ZAP70: variants seen among roughly 807,000 people sequenced by gnomAD.
The protein encoded by ZAP70 is tyrosine-protein kinase ZAP-70.
A neutral mutation model predicts 65.8 loss-of-function variants in ZAP70; 27 were observed. That is an observed-to-expected ratio of 0.41 (90% CI 0.30 to 0.57). The LOEUF is 0.57. Among genes scored for constraint, ZAP70 ranks in the 20% least tolerant of loss-of-function variants. The probability of loss-of-function intolerance (pLI) is 0.28; values close to 1 mark genes in which losing one functional copy is unlikely to be tolerated. For missense variants in ZAP70, 696 were observed against 870.5 expected (o/e 0.80, Z 2.52); for synonymous variants, 363 against 360.8 (o/e 1.01, Z -0.07).
chr2:97,724,883 C>A, intron 3 of ZAP70: 3 of 1,531,504 alleles, frequency 2.0e-6, no homozygotes, highest in South Asian at 2.4e-5. Flanking sequence ...CGCTTGGGGC[C>A]GCGCTGGAAG....
intron 8 of ZAP70, 88 bp downstream of exon 8, chr2:97,733,683 G>T: frequency 6.4e-7 from 1 of 1,551,396 alleles, no homozygotes; most frequent in South Asian, 1.1e-5. Flanking sequence ...TTCACGGGGG[G>T]CGCTGTGGGC....
chr2:97,721,580 A>ATTTTTTTTTT (rs796509420), intron 2 of ZAP70, among the ~76,000 whole-genome samples: 2,153 of 81,234 alleles, frequency 0.027, 2 homozygotes, highest in Non-Finnish European at 0.039. Context: ...TGGCTGGCTG[A>ATTTTTTTTTT]TTTTTTTTTT....
chr2:97,733,857 T>C, intron 8 of ZAP70: 1 of 581,326 alleles, frequency 1.7e-6, no homozygotes, highest in Non-Finnish European at 3.1e-6. Flanking sequence ...GAGTACCTAC[T>C]ATGTGTCAGT....
intron 2 of ZAP70, among the ~76,000 whole-genome samples, chr2:97,716,586 G>A (rs1409582431): frequency 1.3e-5 from 2 of 152,198 alleles, no homozygotes. Context: ...AGTGGAAGGT[G>A]TTGGAGGAAG....
chr2:97,724,694 C>G (rs1158450516), intron 3 of ZAP70: 4 of 1,519,300 alleles, frequency 2.6e-6, no homozygotes. Flanking sequence ...GGTAGAGGGA[C>G]GCACTGGGCC....
chr2:97,737,522 A>G lies in ZAP70; in HGVS notation c.1339A>G (p.Met447Val), dbSNP rs775546124. 33 of 1,613,968 alleles carry G rather than the reference A, an allele frequency of 2.0e-5. No individual in the cohort carries two copies. In the Admixed American group the frequency reaches 4.7e-4, roughly 23 times the overall value. Residue 447 changes from methionine to valine, a missense_variant, in exon 11 of 14, where the codon ATG becomes GTG. Met to Val is a conservative substitution (Grantham distance 21). Transcript: ENST00000264972. This position sits in a 1 kb window ranked among gnomAD's most constrained non-coding sequence, Gnocchi z 5.0. ...GGCCGAGCTGCTGCACCAGGTGTCC[A>G]TGGGGATGAAGTACCTGGAGGAGAA... ...NVAELLHQVS[M>V]GMKYLEEKNF...
At chr2:97,733,249 G>C (rs772445297) in intron 6 of ZAP70, 37 bp downstream of exon 6, 19 of 1,609,164 alleles carry the variant, frequency 1.2e-5, no homozygotes, top group Non-Finnish European at 1.5e-5. Flanking sequence ...GGGCGGGGGC[G>C]GCAGGAGACC....
In ZAP70 at chr2:97,737,946, G is replaced by T. The variant is rs933446493; in HGVS notation, c.1623+49G>T. 6.2e-7 allele frequency: 1 copy of T among 1,613,884 alleles called. No individual in the cohort carries two copies. The highest frequency in any genetic ancestry group is 1.3e-5 in the African/African-American group (1 of 74,898). ...GGCGGTGTGGTGGGGAGGGGGATGA[G>T]GAGGAGGACACTGGTCACTCACAGG... On this transcript the variant is annotated intron_variant, in intron 12 of 13. Coordinates refer to ENST00000264972, the MANE Select transcript of ZAP70 (RefSeq NM_001079.4). This position sits in a 1 kb window ranked among gnomAD's most constrained non-coding sequence, Gnocchi z 5.0.
chr2:97,732,324 C>T (rs1305646634), intron 4 of ZAP70, among the ~76,000 whole-genome samples: 1 of 152,180 alleles, frequency 6.6e-6, no homozygotes, highest in Admixed American at 6.5e-5. Flanking sequence ...CATGGAGCTG[C>T]GCCTACCTGT....
At position 97,735,579 on chromosome 2, in the gene ZAP70, ACACT is replaced by A; in HGVS notation, c.1289+125_1289+128del. On this transcript the variant is annotated intron_variant, in intron 10 of 13. Coordinates refer to ENST00000264972, the MANE Select transcript of ZAP70 (RefSeq NM_001079.4). ...GGGGCACTTCCACACCATCGTGGAC[ACACT>A]CTCAGCCTGCACACCCACACCCATA... 5.1e-6 allele frequency: 6 copies of A among 1,169,740 alleles called. No individual in the cohort carries two copies. In the South Asian group the frequency reaches 7.2e-5, roughly 14 times the overall value. 72.5% of individuals were successfully genotyped at this position (1,169,740 alleles called of 1,614,324 possible). A position where few individuals can be genotyped will look rare whatever the true frequency, so the allele number is the denominator to read the frequency against.
At chr2:97,722,574 G>A (rs1226201753) in intron 2 of ZAP70, among the ~76,000 whole-genome samples, 2 of 152,172 alleles carry the variant, frequency 1.3e-5, no homozygotes, top group African/African-American at 4.8e-5. Flanking sequence ...AATCAACCAT[G>A]TCTATTAAAT....
Position 97,737,957 on chromosome 2 carries a change from C to G in ZAP70, c.1624-38C>G. The G allele has an allele frequency of 1.2e-6, 2 of 1,613,980 alleles. No individual in the cohort carries two copies. Among genetic ancestry groups the G allele is most frequent in the Non-Finnish European group, 1.7e-6 (2 of 1,179,880 alleles). ...GGGGAGGGGGATGAGGAGGAGGACA[C>G]TGGTCACTCACAGGTGTCTCTGCCC... is the stretch of plus-strand genomic sequence containing the variant. On this transcript the variant is annotated intron_variant, in intron 12 of 13. Coordinates refer to ENST00000264972, the MANE Select transcript of ZAP70 (RefSeq NM_001079.4). This position sits in a 1 kb window ranked among gnomAD's most constrained non-coding sequence, Gnocchi z 5.0.
At chr2:97,745,544 T>C in the ZAP70 span, among the ~76,000 whole-genome samples, 1 of 152,174 alleles carries the variant, frequency 6.6e-6, no homozygotes, top group East Asian at 1.9e-4. Context: ...GCTATACAAA[T>C]GGTTAACAAA....
chr2:97,734,889 C>T (rs1435278220), intron 9 of ZAP70, 177 bp downstream of exon 9: 6 of 534,980 alleles, frequency 1.1e-5, no homozygotes, highest in Admixed American at 2.7e-5. Context: ...GGACACCTGA[C>T]GGGGGTGGGA....
intron 2 of ZAP70, among the ~76,000 whole-genome samples, chr2:97,723,676 C>A (rs1301968213): frequency 6.6e-6 from 1 of 152,254 alleles, no homozygotes; most frequent in African/African-American, 2.4e-5. Context: ...CTCAAGCGTG[C>A]ATATCCCCAG....
In ZAP70 at chr2:97,733,584, C is replaced by A; in HGVS notation, c.878C>A (p.Thr293Asn). Residue 293 changes from threonine to asparagine, a missense_variant, in exon 8 of 14, where the codon ACC (threonine) becomes AAC (asparagine). Around this residue, in one of 3 missense-constraint regions of ZAP70, gnomAD observed 551 missense variants for 630.0 expected, o/e 0.87. Transcript: ENST00000264972. ...GACACCCTCAACTCAGATGGATACA[C>A]CCCTGAGCCAGGTGAGCGGGCAGAG... ...RIDTLNSDGY[T>N]PEPARITSPD... 1 of 1,613,654 alleles carries A rather than the reference C, an allele frequency of 6.2e-7. No individual in the cohort carries two copies. Among genetic ancestry groups the A allele is most frequent in the Non-Finnish European group, 8.5e-7 (1 of 1,179,998 alleles).
intron 6 of ZAP70, 22 bp downstream of exon 6, chr2:97,733,234 G>A (rs1412247111): frequency 6.2e-7 from 1 of 1,610,900 alleles, no homozygotes; most frequent in Non-Finnish European, 8.5e-7. Flanking sequence ...AGGCGGGCGG[G>A]CGGTGGGCGG....
chr2:97,732,746 T>C, intron 4 of ZAP70, 137 bp from the exon 5 acceptor site: 2 of 1,313,994 alleles, frequency 1.5e-6, no homozygotes, highest in Non-Finnish European at 2.1e-6. Flanking sequence ...GGGCCTGGCC[T>C]GGCTTCCCCA....
chr2:97,730,594 A>G (rs1421924232), intron 4 of ZAP70, among the ~76,000 whole-genome samples: 1 of 152,186 alleles, frequency 6.6e-6, no homozygotes, highest in Non-Finnish European at 1.5e-5. Context: ...ATGTTTGCTA[A>G]TGTCCTGTTA....
Sources: allele counts gnomAD v4.1 joint callset (sites outside exome capture counted in the v4.1 genomes callset), GRCh38; gene constraint gnomAD v4.1.1; regional missense constraint gnomAD v4.1.1; non-coding constraint Gnocchi (gnomAD v3.1); transcripts MANE v1.5; gene names NCBI Gene and HGNC (gene_info 2026-07-23, HGNC 2026-07-21).